FAM227A: variants seen among roughly 807,000 people sequenced by gnomAD.
FAM227A encodes family with sequence similarity 227 member A.
FAM227A carries 80 observed loss-of-function variants against 74.7 expected under a neutral mutation model. The ratio of observed to expected loss-of-function variants is 1.07; its 90% CI spans 0.89 to 1.29. The LOEUF (loss-of-function observed/expected upper bound fraction) is 1.29. Among genes scored for constraint, FAM227A ranks in the 50% most tolerant of loss-of-function variants. The probability of loss-of-function intolerance (pLI) is 0.00; values close to 1 mark genes in which losing one functional copy is unlikely to be tolerated. For missense variants in FAM227A, 654 were observed against 683.4 expected (o/e 0.96, Z 0.48); for synonymous variants, 237 against 241.8 (o/e 0.98, Z 0.19).
At position 38,607,470 on chromosome 22, in the gene FAM227A, TAGAAGACTTC is replaced by T; in HGVS notation, c.1039-4_1044del. On this transcript the variant is annotated splice_acceptor_variant and splice_polypyrimidine_tract_variant and coding_sequence_variant and intron_variant, in exon 12 of 17. Coordinates refer to ENST00000535113, the MANE Select transcript of FAM227A (RefSeq NM_001013647.2). LOFTEE classifies it high-confidence loss of function. ...GTTTTTTCACTGGGTGAATTTGCACTAGAAGACTTCAGGAGACAAGAGAGAGAAAGAGAGG... is the reference window on the plus strand; with the variant it reads ...GTTTTTTCACTGGGTGAATTTGCACTAGGAGACAAGAGAGAGAAAGAGAGG... The T allele has an allele frequency of 1.9e-6, 3 of 1,549,448 alleles. No homozygotes were observed. The highest frequency in any genetic ancestry group is 2.6e-6 in the Non-Finnish European group (3 of 1,145,124).
chr22:38,581,476 G>A lies in FAM227A; in HGVS notation c.*4649C>T, dbSNP rs979887915. The A allele has an allele frequency of 2.0e-5, 3 of 152,146 alleles. No homozygotes were observed. Among genetic ancestry groups the A allele is most frequent in the African/African-American group, 7.2e-5 (3 of 41,404 alleles). The allele number at this position is 152,146 out of a possible 1,614,324, so 9.4% of individuals were successfully genotyped here. A position where few individuals can be genotyped will look rare whatever the true frequency, so the allele number is the denominator to read the frequency against. Reference sequence around the variant, plus strand: ...TATTTTTGAGACAGAGTCTCACTGTGTTGTCCAGGCTGGAGTGCAGTGGCA... The same window carrying A: ...TATTTTTGAGACAGAGTCTCACTGTATTGTCCAGGCTGGAGTGCAGTGGCA... On this transcript the variant is annotated 3_prime_UTR_variant, in exon 17 of 17. Transcript: ENST00000535113.
intron 11 of FAM227A, among the ~76,000 whole-genome samples, chr22:38,610,387 G>A (rs917770088): frequency 3.9e-5 from 6 of 152,066 alleles, no homozygotes; most frequent in African/African-American, 1.2e-4. Flanking sequence ...AGAACAATGC[G>A]GGGGTATTCG....
intron 11 of FAM227A, among the ~76,000 whole-genome samples, chr22:38,618,763 AGAT>A (rs1364270968): frequency 1.3e-5 from 2 of 152,218 alleles, no homozygotes; most frequent in Non-Finnish European, 2.9e-5. Context: ...GCAAAAAGCC[AGAT>A]GATAAATATT....
intron 1 of FAM227A, among the ~76,000 whole-genome samples, chr22:38,654,706 G>A (rs564418636): frequency 1.1e-4 from 16 of 149,416 alleles, no homozygotes; most frequent in Admixed American, 7.4e-4. Context: ...CGAGGCAGGC[G>A]GATCATGAGG....
At chr22:38,637,239 T>C (rs1259946725) in intron 5 of FAM227A, among the ~76,000 whole-genome samples, 1 of 152,206 alleles carries the variant, frequency 6.6e-6, no homozygotes, top group Non-Finnish European at 1.5e-5. Flanking sequence ...AGTTATGTTG[T>C]CTTCAGAATT....
At chr22:38,626,357 A>G (rs1384606384) in intron 8 of FAM227A, 54 bp from the exon 9 acceptor site, 28 of 1,520,308 alleles carry the variant, frequency 1.8e-5, no homozygotes, top group South Asian at 1.1e-4. Context: ...CCCGGCTTAC[A>G]TGATTTGGGG....
chr22:38,586,848 A>ATT (rs896111387), intron 16 of FAM227A, among the ~76,000 whole-genome samples: 1 of 143,656 alleles, frequency 7.0e-6, no homozygotes, highest in African/African-American at 2.5e-5. Flanking sequence ...TGTTTTTTGT[A>ATT]TTTTTTTTTT....
intron 15 of FAM227A, among the ~76,000 whole-genome samples, chr22:38,593,242 C>T (rs1168595515): frequency 1.3e-5 from 2 of 152,222 alleles, no homozygotes; most frequent in South Asian, 4.1e-4. Flanking sequence ...CAGTGGCTCA[C>T]GCCTATAATC....
At chr22:38,605,868 T>C (rs2091272491) in intron 12 of FAM227A, among the ~76,000 whole-genome samples, 1 of 152,150 alleles carries the variant, frequency 6.6e-6, no homozygotes, top group Admixed American at 6.5e-5. Flanking sequence ...CATACTAACT[T>C]CTCTGAGCCT....
rs757590084 is a variant in FAM227A at position 38,580,258 on chromosome 22, T to C, written c.*5867A>G. 1 of 152,034 alleles carries C rather than the reference T, an allele frequency of 6.6e-6. No homozygotes were observed. The highest frequency in any genetic ancestry group is 2.4e-5 in the African/African-American group (1 of 41,390). 9.4% of individuals were successfully genotyped at this position (152,034 alleles called of 1,614,324 possible). On this transcript the variant is annotated 3_prime_UTR_variant, in exon 17 of 17. Transcript: ENST00000535113. ...TTTAAGTCTCTTTTAATCTATATAT[T>C]CCCCCTCTCTTTTTCCCTTGAAACT...
chr22:38,641,658 C>T (rs1386387290), intron 3 of FAM227A, among the ~76,000 whole-genome samples: 1 of 151,738 alleles, frequency 6.6e-6, no homozygotes, highest in African/African-American at 2.4e-5. Flanking sequence ...TAATCCTCTG[C>T]CTCATAGCCA....
rs543243507 is a variant in FAM227A, at chr22:38,623,738, T to C, written c.851-459A>G. ...TCCCCTGTTCTGGCTATACCATGAG[T>C]TCCCTGAGAACAGGGAGTGGGTCTT... On this transcript the variant is annotated intron_variant, in intron 9 of 16. Coordinates refer to ENST00000535113, the MANE Select transcript of FAM227A (RefSeq NM_001013647.2). Among the ~76,000 whole-genome samples, 3 of 152,320 alleles carry C rather than the reference T, an allele frequency of 2.0e-5. No individual in the cohort carries two copies. In the South Asian group the frequency reaches 6.2e-4, roughly 32 times the overall value.
At chr22:38,604,852 C>T (rs1407365958) in intron 13 of FAM227A, among the ~76,000 whole-genome samples, 1 of 152,086 alleles carries the variant, frequency 6.6e-6, no homozygotes, top group Admixed American at 6.6e-5. Flanking sequence ...AGGGTTTCAC[C>T]ATGTTGGCCA....
At chr22:38,626,883 A>ATAT (rs1328998632) in intron 8 of FAM227A, among the ~76,000 whole-genome samples, 1 of 105,924 alleles carries the variant, frequency 9.4e-6, no homozygotes, top group African/African-American at 4.0e-5. Context: ...AAAAAAAAAA[A>ATAT]AAAAAAAAAT....
Position 38,582,611 on chromosome 22 carries a change from T to C in FAM227A, c.*3514A>G. The C allele has an allele frequency of 1.4e-6, 1 of 727,640 alleles. No individual in the cohort carries two copies. The allele number at this position is 727,640 out of a possible 1,614,324, so 45.1% of individuals were successfully genotyped here. A position where few individuals can be genotyped will look rare whatever the true frequency, so the allele number is the denominator to read the frequency against. Reference sequence around the variant, plus strand: ...ATTTAACATCCTGAGAGGCTACAACTCTGAGTCCTCAGTCATTTCTGGAAA... The same window carrying C: ...ATTTAACATCCTGAGAGGCTACAACCCTGAGTCCTCAGTCATTTCTGGAAA... On this transcript the variant is annotated 3_prime_UTR_variant, in exon 17 of 17. Coordinates refer to ENST00000535113, the MANE Select transcript of FAM227A (RefSeq NM_001013647.2).
At position 38,626,197 on chromosome 22, in the gene FAM227A, A is replaced by G; in HGVS notation, c.833T>C (p.Met278Thr). Residue 278 changes from methionine (M) to threonine (T), a missense_variant, in exon 9 of 17, where the codon ATG (methionine) becomes ACG (threonine). Coordinates refer to ENST00000535113, the MANE Select transcript of FAM227A (RefSeq NM_001013647.2). ...CCTCTCACCTGAAATCCACAGGCTC[A>G]TTGTGTTACAGATGTCAGACTTGAA... ...HEFKSDICNT[M>T]SLWISGTYPS... The G allele has an allele frequency of 1.9e-6, 3 of 1,551,580 alleles. No homozygotes were observed. The highest frequency in any genetic ancestry group is 2.4e-5 in the East Asian group (1 of 40,908).
chr22:38,638,102 T>C (rs552882086), intron 5 of FAM227A, among the ~76,000 whole-genome samples: 1 of 152,054 alleles, frequency 6.6e-6, no homozygotes, highest in Non-Finnish European at 1.5e-5. Flanking sequence ...GGGGCGGAGG[T>C]TGCAGTAAGC....
At chr22:38,640,437 A>C (rs754185448) in intron 3 of FAM227A, among the ~76,000 whole-genome samples, 7 of 152,106 alleles carry the variant, frequency 4.6e-5, no homozygotes, top group Admixed American at 3.9e-4. Context: ...GGTCTCTATT[A>C]TCTACCCTTG....
intron 11 of FAM227A, among the ~76,000 whole-genome samples, chr22:38,617,838 T>G (rs2091611522): frequency 6.6e-6 from 1 of 151,978 alleles, no homozygotes; most frequent in Non-Finnish European, 1.5e-5. Flanking sequence ...CTATTAAAAA[T>G]TCATGGTGAC....
Sources: allele counts gnomAD v4.1 joint callset (sites outside exome capture counted in the v4.1 genomes callset), GRCh38; gene constraint gnomAD v4.1.1; transcripts MANE v1.5; gene names NCBI Gene and HGNC (gene_info 2026-07-23, HGNC 2026-07-21).